DNTT: variants seen among roughly 807,000 people sequenced by gnomAD.
The protein encoded by DNTT is DNA nucleotidylexotransferase, also known as nucleosidetriphosphate:DNA deoxynucleotidylexotransferase.
In DNTT, 47 loss-of-function variants were observed where a neutral mutation model predicts 60.9. That is an observed-to-expected ratio of 0.77 (90% CI 0.61 to 0.98). The LOEUF (loss-of-function observed/expected upper bound fraction) is 0.98. Among genes scored for constraint, DNTT ranks in the 50% least tolerant of loss-of-function variants. The pLI, the probability that DNTT is intolerant of heterozygous loss-of-function variation, is 0.00. For missense variants in DNTT, 665 were observed against 627.5 expected (o/e 1.06, Z -0.64); for synonymous variants, 224 against 221.2 (o/e 1.01, Z -0.11).
chr10:96,315,135 A>G (rs945049081), intron 1 of DNTT, among the ~76,000 whole-genome samples: 8 of 152,254 alleles, frequency 5.3e-5, no homozygotes, highest in Non-Finnish European at 1.2e-4. Context: ...ACGATGGGAA[A>G]TACAGTCTGG....
intron 1 of DNTT, among the ~76,000 whole-genome samples, chr10:96,307,742 T>G (rs1483331864): frequency 1.4e-5 from 2 of 142,928 alleles, no homozygotes; most frequent in East Asian, 2.0e-4. Context: ...TAAGCATATA[T>G]ATGTGTGTGT....
intron 1 of DNTT, among the ~76,000 whole-genome samples, chr10:96,307,547 G>A (rs1424496061): frequency 6.7e-6 from 1 of 149,508 alleles, no homozygotes; most frequent in Non-Finnish European, 1.5e-5. Flanking sequence ...ATAGAGTTGG[G>A]GTTTCACGAT....
Position 96,338,236 on chromosome 10 carries a change from CA to C in DNTT, c.*14del. 6.3e-7 allele frequency: 1 copy of C among 1,598,892 alleles called. No individual in the cohort carries two copies. The highest frequency in any genetic ancestry group is 8.5e-7 in the Non-Finnish European group (1 of 1,174,548). Reference sequence around the variant, plus strand: ...AAAGAAATGCCTAGGAAAGTGTTGTCAACATTTTTTTCCTATTCTTTTCAAG... The same window carrying C: ...AAAGAAATGCCTAGGAAAGTGTTGTCACATTTTTTTCCTATTCTTTTCAAG... On this transcript the variant is annotated 3_prime_UTR_variant, in exon 11 of 11. Coordinates refer to ENST00000371174, the MANE Select transcript of DNTT (RefSeq NM_004088.4).
chr10:96,306,094 T>A (rs1283338956), intron 1 of DNTT, among the ~76,000 whole-genome samples: 2 of 90,074 alleles, frequency 2.2e-5, no homozygotes, highest in East Asian at 2.0e-3. Flanking sequence ...AAAAATAGAT[T>A]TTTTTTTTTT....
At chr10:96,307,448 A>G (rs984860618) in intron 1 of DNTT, among the ~76,000 whole-genome samples, 25 of 142,256 alleles carry the variant, frequency 1.8e-4, no homozygotes, top group African/African-American at 5.8e-4. Context: ...TCCACCTCCC[A>G]GGTTCAAGCG....
rs749613838 is a variant in DNTT at position 96,319,361 on chromosome 10, A to G, written c.478A>G (p.Thr160Ala). Residue 160 changes from threonine (T) to alanine (A), a missense_variant, in exon 3 of 11, where the codon ACT becomes GCT. Thr to Ala is a moderately conservative substitution (Grantham distance 58). Transcript: ENST00000371174. The stretch of plus-strand genomic sequence containing the variant: ...CCAGTATGCGTGTCAGAGAAGAACC[A>G]CTTTAAACAACTGTAACCAGATATT... Reference protein sequence around the residue: ...ISQYACQRRTTLNNCNQIFTD... With the variant: ...ISQYACQRRTALNNCNQIFTD... 5.6e-6 allele frequency: 9 copies of G among 1,613,722 alleles called. No homozygotes were observed. In the Admixed American group the frequency reaches 6.7e-5, roughly 12 times the overall value.
chr10:96,311,097 T>A (rs2133983712), intron 1 of DNTT, among the ~76,000 whole-genome samples: 1 of 152,174 alleles, frequency 6.6e-6, no homozygotes, highest in East Asian at 1.9e-4. Flanking sequence ...CTGTCCTTAG[T>A]GGTGCTAGGT....
chr10:96,317,762 A>G (rs1844804485), intron 1 of DNTT, among the ~76,000 whole-genome samples: 1 of 152,192 alleles, frequency 6.6e-6, no homozygotes, highest in African/African-American at 2.4e-5. Flanking sequence ...CGACCCCTTG[A>G]TCATGGACTT....
chr10:96,324,272 A>T lies in DNTT; in HGVS notation c.757A>T (p.Thr253Ser), dbSNP rs990867545. 3.1e-6 allele frequency: 5 copies of T among 1,612,896 alleles called. No homozygotes were observed. The highest frequency in any genetic ancestry group is 4.2e-6 in the Non-Finnish European group (5 of 1,179,376). The part of the protein sequence containing the change: ...DERYQSFKLF[T>S]SVFGVGLKTS... Reference sequence around the variant, plus strand: ...GCCTTTCCCTCCATTTTAGCTCTTTACTTCTGTATTTGGAGTGGGGCTGAA... The same window carrying T: ...GCCTTTCCCTCCATTTTAGCTCTTTTCTTCTGTATTTGGAGTGGGGCTGAA... Residue 253 changes from threonine to serine, a missense_variant, in exon 6 of 11, where the codon ACT (threonine) becomes TCT (serine). Thr to Ser is a moderately conservative substitution (Grantham distance 58). Transcript: ENST00000371174.
chr10:96,308,972 C>A (rs1844676280), intron 1 of DNTT, among the ~76,000 whole-genome samples: 2 of 152,176 alleles, frequency 1.3e-5, no homozygotes, highest in South Asian at 4.1e-4. Context: ...TGTATACGTG[C>A]AGGTCACAGG....
intron 6 of DNTT, among the ~76,000 whole-genome samples, chr10:96,325,526 C>T (rs994072213): frequency 1.6e-4 from 24 of 152,296 alleles, no homozygotes; most frequent in African/African-American, 5.1e-4. Context: ...TATCAAATGA[C>T]GTCCAGTGCT....
Position 96,319,374 on chromosome 10 carries a change from G to A in DNTT, c.491G>A (p.Cys164Tyr), listed in dbSNP as rs1193441144. ...ACQRRTTLNN[C>Y]NQIFTDAFDI... The stretch of plus-strand genomic sequence containing the variant: ...CAGAGAAGAACCACTTTAAACAACT[G>A]TAACCAGATATTCACGGTAACGGGA... Residue 164 changes from cysteine (C) to tyrosine (Y), a missense_variant, in exon 3 of 11, where the codon TGT becomes TAT. Physicochemically the swap from Cys to Tyr is radical, Grantham distance 194. Coordinates refer to ENST00000371174, the MANE Select transcript of DNTT (RefSeq NM_004088.4). 1 of 1,613,638 alleles carries A rather than the reference G, an allele frequency of 6.2e-7. No individual in the cohort carries two copies. Among genetic ancestry groups the A allele is most frequent in the East Asian group, 2.2e-5 (1 of 44,886 alleles).
intron 1 of DNTT, 70 bp from the exon 2 acceptor site, chr10:96,318,282 C>G: frequency 6.5e-7 from 1 of 1,533,258 alleles, no homozygotes; most frequent in Non-Finnish European, 8.8e-7. Flanking sequence ...GCTCAGAAAC[C>G]TTGAGGAAAG....
At chr10:96,308,267 A>G (rs1844667782) in intron 1 of DNTT, among the ~76,000 whole-genome samples, 1 of 152,218 alleles carries the variant, frequency 6.6e-6, no homozygotes. Flanking sequence ...ACATGCATGC[A>G]ACATAATTGG....
chr10:96,324,471 C>G, intron 6 of DNTT, 82 bp downstream of exon 6: 1 of 1,576,422 alleles, frequency 6.3e-7, no homozygotes, highest in Non-Finnish European at 8.6e-7. Flanking sequence ...CACTGCAACT[C>G]CAATCTGGGA....
intron 4 of DNTT, 81 bp downstream of exon 4, chr10:96,320,869 C>T: frequency 3.9e-6 from 6 of 1,541,824 alleles, no homozygotes; most frequent in Non-Finnish European, 5.3e-6. Context: ...AACAGATTTT[C>T]CTGTCAACTA....
chr10:96,327,510 C>A lies in DNTT; in HGVS notation c.917C>A (p.Ala306Glu). 6.2e-7 allele frequency: 1 copy of A among 1,614,084 alleles called. No individual in the cohort carries two copies. Among genetic ancestry groups the A allele is most frequent in the East Asian group, 2.2e-5 (1 of 44,882 alleles). The change falls in exon 7 of 11, where the codon GCA becomes GAA. Residue 306 changes from alanine to glutamate, a missense_variant. Transcript: ENST00000371174. ...GACCTTGTCAGCTGTGTGACCAGGG[C>A]AGAAGCAGAGGCCGTCAGTGTGCTG... ...YEDLVSCVTR[A>E]EAEAVSVLVK...
intron 10 of DNTT, among the ~76,000 whole-genome samples, chr10:96,337,513 C>T (rs1289298353): frequency 6.6e-6 from 1 of 152,204 alleles, no homozygotes; most frequent in Non-Finnish European, 1.5e-5. Flanking sequence ...AATGAAGGAA[C>T]ACTTACAAAT....
intron 1 of DNTT, among the ~76,000 whole-genome samples, chr10:96,315,167 A>G (rs1844772988): frequency 6.6e-6 from 1 of 152,244 alleles, no homozygotes; most frequent in African/African-American, 2.4e-5. Context: ...GATTCTCTCA[A>G]CAAAATTTCT....
Sources: gnomAD v4.1 joint callset for allele counts (sites outside exome capture counted in the v4.1 genomes callset) on GRCh38, gnomAD v4.1.1 for gene constraint, MANE v1.5 for transcripts, NCBI Gene and HGNC (gene_info 2026-07-23, HGNC 2026-07-21) for gene names.